Variants in RPA1 observed in about 807,000 individuals in gnomAD.
RPA1 encodes replication protein A 70 kDa DNA-binding subunit.
RPA1 carries 49 observed loss-of-function variants against 83.0 expected under a neutral mutation model. The observed-to-expected ratio is 0.59, with a 90% CI of 0.47 to 0.75. The LOEUF (loss-of-function observed/expected upper bound fraction) is 0.75, where lower values mean the gene tolerates loss of function less well. Among genes scored for constraint, RPA1 ranks in the 30% least tolerant of loss-of-function variants. The probability of loss-of-function intolerance (pLI) is 0.00; values close to 1 mark genes in which losing one functional copy is unlikely to be tolerated. For synonymous variants in RPA1, 279 were observed against 281.8 expected (o/e 0.99, Z 0.10); for missense variants, 693 against 776.1 (o/e 0.89, Z 1.27).
intron 1 of RPA1, among the ~76,000 whole-genome samples, chr17:1,838,525 C>T (rs1911910254): frequency 6.6e-6 from 1 of 151,340 alleles, no homozygotes; most frequent in Non-Finnish European, 1.5e-5. Flanking sequence ...ATTACTTGAA[C>T]CCAGGAGGTG....
chr17:1,870,539 T>C (rs1016901301), intron 5 of RPA1, among the ~76,000 whole-genome samples: 13 of 152,232 alleles, frequency 8.5e-5, no homozygotes, highest in African/African-American at 2.9e-4. Context: ...TCCATTAACG[T>C]TGGCGTAAGC....
chr17:1,899,764 T>C lies in RPA1; in HGVS notation c.*2589T>C, dbSNP rs920037413. On this transcript the variant is annotated 3_prime_UTR_variant, in exon 17 of 17. Transcript: ENST00000254719. Reference sequence around the variant, plus strand: ...GTATGTAAAGGTTTATATTGACTCATGTTTCTTTGGCAATATGCCGCCCAA... The same window carrying C: ...GTATGTAAAGGTTTATATTGACTCACGTTTCTTTGGCAATATGCCGCCCAA... 2.0e-5 allele frequency: 3 copies of C among 152,228 alleles called. No homozygotes were observed. The highest frequency in any genetic ancestry group is 7.2e-5 in the African/African-American group (3 of 41,458). The allele number at this position is 152,228 out of a possible 1,614,324, so 9.4% of individuals were successfully genotyped here.
intron 4 of RPA1, among the ~76,000 whole-genome samples, chr17:1,849,871 T>G (rs936373294): frequency 6.6e-6 from 1 of 152,204 alleles, no homozygotes; most frequent in African/African-American, 2.4e-5. Flanking sequence ...TTTAATGAAC[T>G]ATTTTAATAG....
chr17:1,881,321 A>G (rs547987140), intron 12 of RPA1, among the ~76,000 whole-genome samples: 180 of 152,290 alleles, frequency 1.2e-3, no homozygotes, highest in Non-Finnish European at 2.2e-3. Context: ...CCAAGCTTCA[A>G]TAATTCCCAT....
intron 4 of RPA1, among the ~76,000 whole-genome samples, chr17:1,851,891 A>G (rs984773777): frequency 3.3e-5 from 5 of 152,264 alleles, no homozygotes; most frequent in African/African-American, 1.2e-4. Context: ...AATCCAAATT[A>G]TAGCAGTCAG....
chr17:1,859,499 A>G (rs1318858861), intron 5 of RPA1, among the ~76,000 whole-genome samples: 1 of 152,188 alleles, frequency 6.6e-6, no homozygotes, highest in Admixed American at 6.5e-5. Context: ...ATATCTATAT[A>G]ATTTAGAATT....
At chr17:1,882,800 C>T (rs1913846389) in intron 12 of RPA1, among the ~76,000 whole-genome samples, 2 of 152,204 alleles carry the variant, frequency 1.3e-5, no homozygotes, top group African/African-American at 4.8e-5. Flanking sequence ...CAGCTGCTGC[C>T]TGAGAATGAG....
At chr17:1,880,104 ATGGGGCCTTCAG>A (rs1399979487) in intron 11 of RPA1, among the ~76,000 whole-genome samples, 1 of 142,964 alleles carries the variant, frequency 7.0e-6, no homozygotes, top group Admixed American at 7.1e-5. Flanking sequence ...GTCCTATAGG[ATGGGGCCTTCAG>A]CACACACAGG....
intron 5 of RPA1, among the ~76,000 whole-genome samples, chr17:1,855,664 T>TA (rs1912666271): frequency 6.6e-6 from 1 of 152,222 alleles, no homozygotes; most frequent in Non-Finnish European, 1.5e-5. Context: ...CTTCTATTGT[T>TA]ACATCTCTGA....
chr17:1,836,631 A>G (rs1296440316), intron 1 of RPA1, among the ~76,000 whole-genome samples: 1 of 151,380 alleles, frequency 6.6e-6, no homozygotes, highest in Non-Finnish European at 1.5e-5. Context: ...GGAATCAAAT[A>G]ATATCTATCC....
intron 5 of RPA1, among the ~76,000 whole-genome samples, chr17:1,855,133 TTTTC>T (rs1267200220): frequency 2.6e-5 from 4 of 152,084 alleles, no homozygotes; most frequent in Non-Finnish European, 4.4e-5. Context: ...GATCATATGG[TTTTC>T]TTTGTTAGTT....
At chr17:1,850,791 C>T (rs1407219587) in intron 4 of RPA1, among the ~76,000 whole-genome samples, 1 of 151,436 alleles carries the variant, frequency 6.6e-6, no homozygotes, top group Non-Finnish European at 1.5e-5. Context: ...ACTCAAGAGG[C>T]CGAGGCAGGA....
At chr17:1,872,640 G>T in intron 6 of RPA1, 114 bp downstream of exon 6, 1 of 1,398,630 alleles carries the variant, frequency 7.1e-7, no homozygotes, top group Non-Finnish European at 9.8e-7. Context: ...TTACAGGGTT[G>T]TGTCTTGGAA....
rs189455057 is a variant in RPA1, at chr17:1,838,034, G to A, written c.34-4769G>A. Among the ~76,000 whole-genome samples, 233 of 152,302 alleles carry A rather than the reference G, an allele frequency of 1.5e-3. 1 individual carries two copies. The highest frequency in any genetic ancestry group is 5.5e-3 in the African/African-American group (228 of 41,566). On this transcript the variant is annotated intron_variant, in intron 1 of 16. Transcript: ENST00000254719. ...AGGCTGGATGTGGTGGCTCATGCCTGTAATCCCAGCACTTTGGGAGGCTGA... is the reference window on the plus strand; with the variant it reads ...AGGCTGGATGTGGTGGCTCATGCCTATAATCCCAGCACTTTGGGAGGCTGA...
chr17:1,880,842 G>A, intron 12 of RPA1, 151 bp downstream of exon 12: 3 of 1,088,458 alleles, frequency 2.8e-6, no homozygotes, highest in Non-Finnish European at 4.0e-6. Flanking sequence ...TGCCTTCTGT[G>A]AGGAGGGCTT....
intron 2 of RPA1, among the ~76,000 whole-genome samples, chr17:1,843,359 G>GC (rs1912128296): frequency 6.6e-6 from 1 of 151,690 alleles, no homozygotes; most frequent in African/African-American, 2.4e-5. Context: ...CACCACACGC[G>GC]CCGTGGGTCA....
Position 1,897,166 on chromosome 17 carries a change from A to G in RPA1, c.1842A>G (p.Ala614=), listed in dbSNP as rs1762033829. The change falls in exon 17 of 17, where the codon GCA becomes GCG. Residue 614 remains alanine (A), a synonymous_variant. Coordinates refer to ENST00000254719, the MANE Select transcript of RPA1 (RefSeq NM_002945.5). ...TGGTCATGAGCATCAGGAGAAGTGC[A>G]TTGATGTGAGAGGAGCAGTGCCAAT... ...RRLVMSIRRS[A]LM 6.4e-7 allele frequency: 1 copy of G among 1,555,562 alleles called. No homozygotes were observed. The highest frequency in any genetic ancestry group is 8.7e-7 in the Non-Finnish European group (1 of 1,149,200).
intron 12 of RPA1, among the ~76,000 whole-genome samples, chr17:1,882,396 C>G (rs992814347): frequency 1.3e-5 from 2 of 152,130 alleles, no homozygotes; most frequent in African/African-American, 4.8e-5. Flanking sequence ...GTGGCTCATA[C>G]CTTAATTCCA....
At chr17:1,883,456 C>T (rs962939933) in intron 12 of RPA1, among the ~76,000 whole-genome samples, 2 of 152,048 alleles carry the variant, frequency 1.3e-5, no homozygotes, top group Non-Finnish European at 2.9e-5. Context: ...CCACTGCGCC[C>T]AGCCTAAAAA....
Sources: gnomAD v4.1 joint callset for allele counts (sites outside exome capture counted in the v4.1 genomes callset) on GRCh38, gnomAD v4.1.1 for gene constraint, MANE v1.5 for transcripts, NCBI Gene and HGNC (gene_info 2026-07-23, HGNC 2026-07-21) for gene names.